The following CYTH3 variants were observed in gnomAD, a reference collection of about 807,000 sequenced individuals.
CYTH3 encodes cytohesin 3.
A neutral mutation model predicts 55.1 loss-of-function variants in CYTH3; 23 were observed. The observed-to-expected ratio is 0.42, with a 90% CI of 0.30 to 0.59. The LOEUF (loss-of-function observed/expected upper bound fraction) is 0.59, where lower values mean the gene tolerates loss of function less well. Ranked by LOEUF, CYTH3 falls within the 20% of genes least tolerant of loss-of-function variation. The pLI is 0.20. For missense variants in CYTH3, 413 were observed against 524.8 expected (o/e 0.79, Z 2.08); for synonymous variants, 249 against 194.9 (o/e 1.28, Z -2.31).
intron 9 of CYTH3, among the ~76,000 whole-genome samples, chr7:6,168,970 C>T (rs187626269): frequency 1.3e-5 from 2 of 152,216 alleles, no homozygotes. Flanking sequence ...CATTCCCCCC[C>T]ACCGGCCCTC....
rs562489205 is a variant in CYTH3, at chr7:6,225,587, C to A, written c.35-35056G>T. 2.0e-3 allele frequency among the ~76,000 whole-genome samples: 301 copies of A among 152,150 alleles called. 1 individual carries two copies. The highest frequency in any genetic ancestry group is 3.5e-3 in the Non-Finnish European group (239 of 68,010). On this transcript the variant is annotated intron_variant, in intron 1 of 12. Coordinates refer to ENST00000350796, the MANE Select transcript of CYTH3 (RefSeq NM_004227.4). ...GTCAGGCTGGTCTCGAACACCCGAC[C>A]TCAGGTGATCCACCCACCTTGGCCT...
At chr7:6,251,232 G>A (rs1205323103) in intron 1 of CYTH3, among the ~76,000 whole-genome samples, 2 of 152,084 alleles carry the variant, frequency 1.3e-5, no homozygotes, top group Non-Finnish European at 2.9e-5. Flanking sequence ...CCGAGATCAC[G>A]CCATTGCACT....
intron 1 of CYTH3, among the ~76,000 whole-genome samples, chr7:6,198,385 T>C (rs1338472947): frequency 6.9e-6 from 1 of 144,504 alleles, no homozygotes; most frequent in South Asian, 2.6e-4. Flanking sequence ...TGACGTTCTA[T>C]CAGTATCCCT....
At chr7:6,217,624 T>C (rs191996986) in intron 1 of CYTH3, among the ~76,000 whole-genome samples, 63 of 152,344 alleles carry the variant, frequency 4.1e-4, no homozygotes, top group Non-Finnish European at 7.8e-4. Context: ...CCTTTCTCTC[T>C]TGTTAATAAT....
intron 1 of CYTH3, among the ~76,000 whole-genome samples, chr7:6,211,282 T>A (rs567417937): frequency 6.6e-6 from 1 of 152,342 alleles, no homozygotes; most frequent in South Asian, 2.1e-4. Context: ...CACAATCGCT[T>A]TCTATCAGAC....
chr7:6,251,392 G>A (rs1320366978), intron 1 of CYTH3, among the ~76,000 whole-genome samples: 2 of 151,782 alleles, frequency 1.3e-5, no homozygotes, highest in East Asian at 3.9e-4. Flanking sequence ...AGACATGTAG[G>A]AAGTTTCTTG....
At position 6,164,871 on chromosome 7, in the gene CYTH3, T is replaced by G; in HGVS notation, c.*73A>C. ...GGGCGACTGCCTCCCTGCCACGCCT[T>G]CCGCGGAGGGGCCGCCCGCGGTGTC... On this transcript the variant is annotated 3_prime_UTR_variant, in exon 13 of 13. Transcript: ENST00000350796. The G allele has an allele frequency of 1.3e-6, 2 of 1,550,860 alleles. No individual in the cohort carries two copies. Among genetic ancestry groups the G allele is most frequent in the Admixed American group, 1.7e-5 (1 of 59,678 alleles).
At chr7:6,179,906 C>CCACACACACACAAACCA (rs984884035) in intron 4 of CYTH3, among the ~76,000 whole-genome samples, 4 of 143,202 alleles carry the variant, frequency 2.8e-5, no homozygotes, top group Non-Finnish European at 4.6e-5. Context: ...CCACACACAA[C>CCACACACACACAAACCA]CACACACACA....
intron 5 of CYTH3, among the ~76,000 whole-genome samples, chr7:6,176,511 T>C (rs907527949): frequency 6.6e-5 from 10 of 152,246 alleles, no homozygotes; most frequent in African/African-American, 2.4e-4. Context: ...TCTGCCCACC[T>C]CGGCCTCCCA....
Position 6,223,977 on chromosome 7 carries a change from T to A in CYTH3, c.35-33446A>T, listed in dbSNP as rs150542033. On this transcript the variant is annotated intron_variant, in intron 1 of 12. Transcript: ENST00000350796. ...CCCTATGAATGATGCTAATACTGTCTTTTCTGCTTCCACATATATAATCCT... is the reference window on the plus strand; with the variant it reads ...CCCTATGAATGATGCTAATACTGTCATTTCTGCTTCCACATATATAATCCT... 2.0e-5 allele frequency among the ~76,000 whole-genome samples: 3 copies of A among 152,258 alleles called. No individual in the cohort carries two copies. In the East Asian group the frequency reaches 5.8e-4, roughly 29 times the overall value.
At chr7:6,248,714 C>T (rs1022568907) in intron 1 of CYTH3, among the ~76,000 whole-genome samples, 2 of 152,244 alleles carry the variant, frequency 1.3e-5, no homozygotes, top group African/African-American at 4.8e-5. Flanking sequence ...CCCAAATTAG[C>T]ACAGCCAACA....
intron 1 of CYTH3, among the ~76,000 whole-genome samples, chr7:6,267,004 T>C (rs947014458): frequency 1.3e-5 from 2 of 152,194 alleles, no homozygotes; most frequent in Non-Finnish European, 2.9e-5. Context: ...TGGAGGCAGA[T>C]CCCTCATGGC....
chr7:6,178,041 C>T (rs1783392641), intron 4 of CYTH3, 100 bp from the exon 5 acceptor site: 1 of 860,302 alleles, frequency 1.2e-6, no homozygotes, highest in African/African-American at 1.7e-5. Context: ...CTGGTATGGA[C>T]ACAGCAAAAA....
chr7:6,259,792 T>TATTATATATATAAATATATATATATA, intron 1 of CYTH3, among the ~76,000 whole-genome samples: 1 of 15,006 alleles, frequency 6.7e-5, no homozygotes, highest in South Asian at 2.1e-3. Flanking sequence ...ATAATATATA[T>TATTATATATATAAATATATATATATA]ATATATATAT....
Position 6,170,623 on chromosome 7 carries a change from G to T in CYTH3, c.735C>A (p.Asn245Lys). The T allele has an allele frequency of 4.3e-6, 7 of 1,613,972 alleles. No homozygotes were observed. Among genetic ancestry groups the T allele is most frequent in the Non-Finnish European group, 5.9e-6 (7 of 1,179,910 alleles). Residue 245 changes from asparagine to lysine, a missense_variant, in exon 9 of 13, where the codon AAC (asparagine) becomes AAA (lysine). Around this residue, in one of 4 missense-constraint regions of CYTH3, gnomAD observed 156 missense variants for 233.1 expected, o/e 0.67. Transcript: ENST00000350796. This position sits in a 1 kb window ranked among gnomAD's most constrained non-coding sequence, Gnocchi z 7.8. Reference sequence around the variant, plus strand: ...CGTCCTCCGGGATCTTAAATGGCTCGTTCTTAATGCTCTCATACAAATTCT... The same window carrying T: ...CGTCCTCCGGGATCTTAAATGGCTCTTTCTTAATGCTCTCATACAAATTCT... ...LLRNLYESIK[N>K]EPFKIPEDDG... is the part of the protein sequence containing the mutation.
intron 6 of CYTH3, among the ~76,000 whole-genome samples, chr7:6,172,399 CCT>C (rs1783224469): frequency 6.6e-6 from 1 of 152,230 alleles, no homozygotes; most frequent in East Asian, 1.9e-4. Context: ...CCCCTCACTC[CCT>C]CTCTGCCCCA....
chr7:6,213,818 G>C (rs985177287), intron 1 of CYTH3, among the ~76,000 whole-genome samples: 1 of 151,934 alleles, frequency 6.6e-6, no homozygotes, highest in Non-Finnish European at 1.5e-5. Flanking sequence ...CCATCACAGG[G>C]GCCCAGCCCA....
At chr7:6,218,335 T>G (rs894828547) in intron 1 of CYTH3, among the ~76,000 whole-genome samples, 3 of 152,094 alleles carry the variant, frequency 2.0e-5, no homozygotes, top group Non-Finnish European at 4.4e-5. Context: ...GCTGCTGGGT[T>G]TGAAGATGGA....
At chr7:6,166,931 G>C (rs78794658) in intron 9 of CYTH3, among the ~76,000 whole-genome samples, 2 of 152,110 alleles carry the variant, frequency 1.3e-5, no homozygotes, top group Admixed American at 6.5e-5. Flanking sequence ...CCTGTTAAAG[G>C]GTCTGTCTAG....
Sources: gnomAD v4.1 joint callset for allele counts (sites outside exome capture counted in the v4.1 genomes callset) on GRCh38, gnomAD v4.1.1 for gene constraint, gnomAD v4.1.1 regional missense constraint, Gnocchi (gnomAD v3.1) non-coding constraint, MANE v1.5 for transcripts, NCBI Gene and HGNC (gene_info 2026-07-23, HGNC 2026-07-21) for gene names.